Variants in RHOBTB1 observed in about 807,000 individuals in gnomAD.
RHOBTB1 encodes the protein Rho related BTB domain containing 1.
A neutral mutation model predicts 71.6 loss-of-function variants in RHOBTB1; 40 were observed. The ratio of observed to expected loss-of-function variants is 0.56; its 90% CI spans 0.43 to 0.73. The LOEUF is 0.73. RHOBTB1 is among the 30% of genes least tolerant of loss of function. RHOBTB1 has a pLI of 0.00. For synonymous variants in RHOBTB1, 319 were observed against 334.9 expected (o/e 0.95, Z 0.52); for missense variants, 797 against 894.0 (o/e 0.89, Z 1.38).
At chr10:60,955,775 T>C (rs1348893661) in intron 2 of RHOBTB1, among the ~76,000 whole-genome samples, 1 of 152,210 alleles carries the variant, frequency 6.6e-6, no homozygotes, top group African/African-American at 2.4e-5. Flanking sequence ...GGAACCCATA[T>C]GTGCATCAAA....
chr10:60,942,789 A>G (rs1201324243), intron 1 of RHOBTB1, among the ~76,000 whole-genome samples: 1 of 152,254 alleles, frequency 6.6e-6, no homozygotes, highest in African/African-American at 2.4e-5. Flanking sequence ...AAACAAACAC[A>G]GCCTATTGAC....
intron 2 of RHOBTB1, among the ~76,000 whole-genome samples, chr10:60,931,345 T>C (rs1055435933): frequency 1.8e-4 from 27 of 152,150 alleles, no homozygotes; most frequent in African/African-American, 4.8e-4. Flanking sequence ...TTTATTCTCG[T>C]TCTCCCCAGC....
intron 1 of RHOBTB1, among the ~76,000 whole-genome samples, chr10:60,997,639 G>T (rs1174900686): frequency 6.6e-6 from 1 of 152,060 alleles, no homozygotes; most frequent in Non-Finnish European, 1.5e-5. Flanking sequence ...TTTCTATTTG[G>T]ACTGTCCAAG....
At chr10:60,866,104 T>A (rs2080634646), downstream of RHOBTB1, among the ~76,000 whole-genome samples, 1 of 152,204 alleles carries the variant, frequency 6.6e-6, no homozygotes, top group Non-Finnish European at 1.5e-5. Flanking sequence ...AGTGCTGGGA[T>A]TGCAGGAGTG....
At position 60,889,001 on chromosome 10, in the gene RHOBTB1, T is replaced by C; in HGVS notation, c.667A>G (p.Lys223Glu). The change falls in exon 6 of 11, where the codon AAA becomes GAA. Residue 223 changes from lysine to glutamate, a missense_variant. Around this residue, in one of 2 missense-constraint regions of RHOBTB1, gnomAD observed 658 missense variants for 681.5 expected, o/e 0.97. Coordinates refer to ENST00000337910, the MANE Select transcript of RHOBTB1 (RefSeq NM_014836.5). Reference sequence around the variant, plus strand: ...GCCTGAAGTAAAGGTTTCTGGACTTTCTTTAGGTGGGATTTCCAGAATTGC... The same window carrying C: ...GCCTGAAGTAAAGGTTTCTGGACTTCCTTTAGGTGGGATTTCCAGAATTGC... ...HLQFWKSHLKKVQKPLLQAPF... is the reference protein window; with the variant it reads ...HLQFWKSHLKEVQKPLLQAPF... 6.2e-7 allele frequency: 1 copy of C among 1,614,160 alleles called. No individual in the cohort carries two copies. The highest frequency in any genetic ancestry group is 8.5e-7 in the Non-Finnish European group (1 of 1,180,012).
At chr10:60,880,346 G>A (rs1464325187) in intron 7 of RHOBTB1, among the ~76,000 whole-genome samples, 2 of 152,178 alleles carry the variant, frequency 1.3e-5, no homozygotes, top group Middle Eastern at 3.4e-3. Flanking sequence ...CTCTGGCAGT[G>A]TGGCTCCAGA....
chr10:60,988,903 A>G (rs541973684), intron 1 of RHOBTB1, among the ~76,000 whole-genome samples: 2 of 152,244 alleles, frequency 1.3e-5, no homozygotes, highest in South Asian at 4.1e-4. Context: ...CATTTATAGT[A>G]CTCTGGCTTT....
intron 4 of RHOBTB1, among the ~76,000 whole-genome samples, chr10:60,901,381 C>T (rs2082407235): frequency 6.6e-6 from 1 of 151,994 alleles, no homozygotes; most frequent in South Asian, 2.1e-4. Flanking sequence ...CCGTTAAGTG[C>T]CAATTATTAT....
intron 2 of RHOBTB1, among the ~76,000 whole-genome samples, chr10:60,965,467 G>C (rs7916014): frequency 0.51 from 77,203 of 151,758 alleles, 19,989 homozygotes; most frequent in East Asian, 0.77. Flanking sequence ...TGTATTGTTG[G>C]TATCATGATT....
chr10:60,982,981 C>A (rs1326897828), intron 2 of RHOBTB1, among the ~76,000 whole-genome samples: 1 of 151,916 alleles, frequency 6.6e-6, no homozygotes, highest in Non-Finnish European at 1.5e-5. Flanking sequence ...GTTCCATGGT[C>A]TTTTAATCGA....
intron 4 of RHOBTB1, among the ~76,000 whole-genome samples, chr10:60,906,610 T>G (rs914834880): frequency 2.0e-5 from 3 of 152,102 alleles, no homozygotes; most frequent in Non-Finnish European, 4.4e-5. Context: ...TCTCCAACCG[T>G]GAAATGAGCC....
intron 2 of RHOBTB1, among the ~76,000 whole-genome samples, chr10:60,930,290 T>A (rs1442664751): frequency 6.6e-6 from 1 of 152,194 alleles, no homozygotes; most frequent in Non-Finnish European, 1.5e-5. Context: ...GAACTGGGGA[T>A]AATTATCTCC....
chr10:60,992,946 G>A (rs549312814), intron 1 of RHOBTB1, among the ~76,000 whole-genome samples: 6 of 152,194 alleles, frequency 3.9e-5, no homozygotes, highest in Middle Eastern at 6.8e-3. Flanking sequence ...GAAAGAAATC[G>A]TAGAAGTCCC....
At chr10:60,934,050 C>T (rs1338873613) in intron 2 of RHOBTB1, among the ~76,000 whole-genome samples, 1 of 151,980 alleles carries the variant, frequency 6.6e-6, no homozygotes, top group African/African-American at 2.4e-5. Flanking sequence ...TATTCCATCT[C>T]TTCTATAGTG....
chr10:60,975,278 C>T (rs12413471), intron 2 of RHOBTB1, among the ~76,000 whole-genome samples: 1,954 of 152,074 alleles, frequency 0.013, 56 homozygotes, highest in Admixed American at 0.067. Context: ...TAGGCCATGA[C>T]AACCTAATGC....
intron 4 of RHOBTB1, among the ~76,000 whole-genome samples, chr10:60,908,066 T>A (rs2082768556): frequency 6.6e-6 from 1 of 152,206 alleles, no homozygotes; most frequent in Admixed American, 6.5e-5. Context: ...ATGGGTAGAA[T>A]AGTTCCATTT....
At chr10:60,926,019 T>G (rs1447543724) in intron 2 of RHOBTB1, among the ~76,000 whole-genome samples, 1 of 151,948 alleles carries the variant, frequency 6.6e-6, no homozygotes, top group Non-Finnish European at 1.5e-5. Flanking sequence ...TCACTTGAGG[T>G]CAGGAGCTCA....
intron 4 of RHOBTB1, among the ~76,000 whole-genome samples, chr10:60,905,006 C>G (rs532036784): frequency 1.3e-5 from 2 of 152,256 alleles, no homozygotes; most frequent in African/African-American, 4.8e-5. Context: ...ACATGCATTG[C>G]TAACTTTCTT....
At chr10:60,983,187 C>T (rs1318176146) in intron 2 of RHOBTB1, among the ~76,000 whole-genome samples, 1 of 152,056 alleles carries the variant, frequency 6.6e-6, no homozygotes, top group Non-Finnish European at 1.5e-5. Context: ...AAAATTTATA[C>T]AAATGGTAAT....
Sources: gnomAD v4.1 joint callset for allele counts (sites outside exome capture counted in the v4.1 genomes callset) on GRCh38, gnomAD v4.1.1 for gene constraint, gnomAD v4.1.1 regional missense constraint, MANE v1.5 for transcripts, NCBI Gene and HGNC (gene_info 2026-07-23, HGNC 2026-07-21) for gene names.